EBPL: variants seen among roughly 807,000 people sequenced by gnomAD.
EBPL encodes the protein emopamil-binding protein-like.
In EBPL, 20 loss-of-function variants were observed where a neutral mutation model predicts 19.0. The observed-to-expected ratio is 1.05, with a 90% CI of 0.74 to 1.53. The LOEUF (loss-of-function observed/expected upper bound fraction) is 1.53, where lower values mean the gene tolerates loss of function less well. EBPL is among the 40% of genes most tolerant of loss of function. EBPL has a pLI of 0.00. For missense variants in EBPL, 219 were observed against 261.1 expected, an observed-to-expected ratio of 0.84 and a Z score of 1.11; for synonymous variants, 107 against 117.0, an observed-to-expected ratio of 0.91 and a Z score of 0.55.
intron 1 of EBPL, among the ~76,000 whole-genome samples, chr13:49,673,506 T>C (rs571349225): frequency 7.2e-5 from 11 of 152,330 alleles, no homozygotes; most frequent in South Asian, 4.1e-4. Context: ...GGCTCGATCT[T>C]GGCTCACTGC....
chr13:49,678,771 T>C (rs1455103356), intron 1 of EBPL, among the ~76,000 whole-genome samples: 3 of 150,792 alleles, frequency 2.0e-5, no homozygotes, highest in Non-Finnish European at 4.4e-5. Flanking sequence ...ATGGCCAGAG[T>C]GGATGCCGAG....
At chr13:49,661,946 G>T in intron 3 of EBPL, 2 of 1,541,984 alleles carry the variant, frequency 1.3e-6, no homozygotes, top group Non-Finnish European at 1.8e-6. Flanking sequence ...AGAAAAGGAA[G>T]GAAGGGAGGA....
intron 1 of EBPL, among the ~76,000 whole-genome samples, chr13:49,680,737 G>C (rs1021493806): frequency 9.9e-5 from 15 of 152,142 alleles, no homozygotes; most frequent in Admixed American, 9.8e-4. Flanking sequence ...CAGGAGAATT[G>C]CTTGAACCAG....
At chr13:49,677,635 G>A (rs1407838645) in intron 1 of EBPL, among the ~76,000 whole-genome samples, 1 of 152,224 alleles carries the variant, frequency 6.6e-6, no homozygotes, top group Non-Finnish European at 1.5e-5. Flanking sequence ...AGGGCTGGAC[G>A]TGATGGCTCA....
intron 1 of EBPL, among the ~76,000 whole-genome samples, chr13:49,678,777 C>T (rs1330042702): frequency 6.6e-6 from 1 of 152,024 alleles, no homozygotes; most frequent in Non-Finnish European, 1.5e-5. Flanking sequence ...AGAGTGGATG[C>T]CGAGGCTGAG....
At chr13:49,689,387 T>C (rs541883644) in intron 1 of EBPL, among the ~76,000 whole-genome samples, 6 of 152,354 alleles carry the variant, frequency 3.9e-5, no homozygotes, top group South Asian at 4.1e-4. Flanking sequence ...TCTTGCTCTG[T>C]TGCCCAGGCT....
intron 1 of EBPL, among the ~76,000 whole-genome samples, chr13:49,680,177 G>C (rs1468374350): frequency 1.3e-5 from 2 of 152,170 alleles, no homozygotes; most frequent in African/African-American, 4.8e-5. Context: ...GAGCCACAGG[G>C]AAGTCAAGCT....
intron 1 of EBPL, among the ~76,000 whole-genome samples, chr13:49,683,094 C>A (rs559500775): frequency 6.6e-6 from 1 of 152,282 alleles, no homozygotes; most frequent in East Asian, 1.9e-4. Flanking sequence ...ACGCCTCAGC[C>A]TCCCAAGTAG....
intron 3 of EBPL, among the ~76,000 whole-genome samples, chr13:49,662,547 A>G (rs1965165928): frequency 6.6e-6 from 1 of 152,184 alleles, no homozygotes; most frequent in African/African-American, 2.4e-5. Flanking sequence ...TTATTAAAAT[A>G]ATATTTCTCA....
At chr13:49,666,477 G>A (rs564684048) in intron 2 of EBPL, among the ~76,000 whole-genome samples, 3 of 151,810 alleles carry the variant, frequency 2.0e-5, no homozygotes, top group East Asian at 3.9e-4. Context: ...TTGAGAGGCC[G>A]AGGCGGGTGG....
intron 1 of EBPL, among the ~76,000 whole-genome samples, chr13:49,684,891 G>C (rs796358877): frequency 2.0e-5 from 3 of 152,194 alleles, no homozygotes; most frequent in African/African-American, 7.2e-5. Flanking sequence ...CCGAGTATTA[G>C]AACTTGGCAA....
In EBPL at chr13:49,668,339, C is replaced by T. The variant is rs754854519; in HGVS notation, c.241+1438G>A. On this transcript the variant is annotated intron_variant, in intron 2 of 3. Transcript: ENST00000242827. ...CTATAACCCCAGCACTTTGGGAGGC[C>T]GAGGTGGGCAGATCACGAGGTCAGG... The T allele has an allele frequency of 1.4e-5, 3 of 214,532 alleles. No individual in the cohort carries two copies. The East Asian group carries it at 5.1e-4, about 36-fold the overall frequency. 13.3% of individuals were successfully genotyped at this position (214,532 alleles called of 1,614,324 possible).
At chr13:49,666,224 G>A (rs918137214) in intron 2 of EBPL, among the ~76,000 whole-genome samples, 2 of 152,170 alleles carry the variant, frequency 1.3e-5, no homozygotes, top group African/African-American at 4.8e-5. Flanking sequence ...AATTCCACAG[G>A]CAGACTGGTG....
At chr13:49,681,237 TTATAGCAAA>T (rs529060597) in intron 1 of EBPL, among the ~76,000 whole-genome samples, 50 of 152,338 alleles carry the variant, frequency 3.3e-4, no homozygotes, top group African/African-American at 1.2e-3. Flanking sequence ...TTAAAATGTA[TTATAGCAAA>T]TAAAGAAAGG....
chr13:49,681,338 T>C (rs1301292442), intron 1 of EBPL, among the ~76,000 whole-genome samples: 1 of 152,238 alleles, frequency 6.6e-6, no homozygotes, highest in African/African-American at 2.4e-5. Flanking sequence ...TCGCTCAGGC[T>C]GGAATGCAGT....
intron 2 of EBPL, among the ~76,000 whole-genome samples, chr13:49,666,802 A>G (rs1227178792): frequency 2.6e-5 from 4 of 151,250 alleles, no homozygotes; most frequent in Non-Finnish European, 4.4e-5. Flanking sequence ...AGGCAAGAGC[A>G]TCACTTGAAC....
intron 1 of EBPL, among the ~76,000 whole-genome samples, chr13:49,690,894 G>A (rs998514937): frequency 1.3e-5 from 2 of 152,130 alleles, no homozygotes; most frequent in Admixed American, 6.5e-5. Flanking sequence ...TGCCCCCTCT[G>A]GGGCATTTAA....
chr13:49,679,906 T>G (rs1339005842), intron 1 of EBPL, among the ~76,000 whole-genome samples: 2 of 152,194 alleles, frequency 1.3e-5, no homozygotes, highest in Non-Finnish European at 2.9e-5. Flanking sequence ...TTAGTCAATA[T>G]ATGTCTAGTG....
At chr13:49,678,448 CT>C (rs1470340714) in intron 1 of EBPL, among the ~76,000 whole-genome samples, 1 of 152,244 alleles carries the variant, frequency 6.6e-6, no homozygotes, top group African/African-American at 2.4e-5. Context: ...GTTCCGAGCC[CT>C]GCCCCGTGGG....
Sources: allele counts gnomAD v4.1 joint callset (sites outside exome capture counted in the v4.1 genomes callset), GRCh38; gene constraint gnomAD v4.1.1; transcripts MANE v1.5; gene names NCBI Gene and HGNC (gene_info 2026-07-23, HGNC 2026-07-21).